Variants in PHACTR1 observed in about 807,000 individuals in gnomAD.
PHACTR1 encodes RPEL repeat containing 1.
PHACTR1 carries 16 observed loss-of-function variants against 69.2 expected under a neutral mutation model. That is an observed-to-expected ratio of 0.23 (90% CI 0.16 to 0.35). The LOEUF (loss-of-function observed/expected upper bound fraction) is 0.35, where lower values mean the gene tolerates loss of function less well. PHACTR1 is among the 10% of genes least tolerant of loss of function. The pLI is 1.00. For synonymous variants in PHACTR1, 312 were observed against 284.5 expected, an observed-to-expected ratio of 1.10 and a Z score of -0.97; for missense variants, 510 against 734.7, an observed-to-expected ratio of 0.69 and a Z score of 3.54.
chr6:12,831,135 CTA>C (rs1205599293), intron 4 of PHACTR1, among the ~76,000 whole-genome samples: 3 of 152,112 alleles, frequency 2.0e-5, no homozygotes, highest in African/African-American at 4.8e-5. Flanking sequence ...AAATATTTCT[CTA>C]TGTTTTCTTA....
intron 6 of PHACTR1, among the ~76,000 whole-genome samples, chr6:13,182,152 G>A (rs1383099572): frequency 6.6e-6 from 1 of 152,160 alleles, no homozygotes; most frequent in Non-Finnish European, 1.5e-5. Flanking sequence ...AGAATCGCTT[G>A]AACCCGGGAG....
At chr6:13,234,112 G>T (rs1771640434) in intron 10 of PHACTR1, among the ~76,000 whole-genome samples, 1 of 152,222 alleles carries the variant, frequency 6.6e-6, no homozygotes, top group African/African-American at 2.4e-5. Context: ...AGAACTGAGA[G>T]CTCAACTCTG....
chr6:12,968,415 C>T (rs1266165680), intron 4 of PHACTR1, among the ~76,000 whole-genome samples: 1 of 152,058 alleles, frequency 6.6e-6, no homozygotes, highest in Non-Finnish European at 1.5e-5. Flanking sequence ...AATTTAGCAT[C>T]GTGACTATAT....
chr6:12,787,864 T>A (rs1425344838), intron 4 of PHACTR1, among the ~76,000 whole-genome samples: 1 of 151,880 alleles, frequency 6.6e-6, no homozygotes, highest in Non-Finnish European at 1.5e-5. Flanking sequence ...TTAGGCAAAC[T>A]CAACAAAGGA....
In PHACTR1 at chr6:12,930,048, T is replaced by G. The variant is rs1042323582; in HGVS notation, c.251-123317T>G. On this transcript the variant is annotated intron_variant, in intron 4 of 14. Transcript: ENST00000332995. ...CACTGCCTGTAAACAGAAAGAACTT[T>G]TTTTTTTTTTTTAGATGGGGATCTT... Among the ~76,000 whole-genome samples, 7 of 151,420 alleles carry G rather than the reference T, an allele frequency of 4.6e-5. No individual in the cohort carries two copies. In the East Asian group the frequency reaches 1.2e-3, roughly 25 times the overall value.
chr6:12,776,909 C>CA (rs1450380610), intron 4 of PHACTR1, among the ~76,000 whole-genome samples: 2 of 152,090 alleles, frequency 1.3e-5, no homozygotes, highest in Non-Finnish European at 1.5e-5. Context: ...TAGCTTGTTA[C>CA]AAAATACCAC....
intron 4 of PHACTR1, among the ~76,000 whole-genome samples, chr6:13,046,026 T>C (rs988939303): frequency 6.6e-6 from 1 of 152,200 alleles, no homozygotes; most frequent in Admixed American, 6.5e-5. Context: ...TCTTCCCCCA[T>C]GAGGACTACC....
chr6:12,778,106 A>G (rs1171588266), intron 4 of PHACTR1, among the ~76,000 whole-genome samples: 1 of 152,156 alleles, frequency 6.6e-6, no homozygotes, highest in Non-Finnish European at 1.5e-5. Flanking sequence ...AAAAGAAAAA[A>G]AAAATGAATT....
At chr6:12,756,736 C>T (rs1002892536) in intron 4 of PHACTR1, among the ~76,000 whole-genome samples, 2 of 152,192 alleles carry the variant, frequency 1.3e-5, no homozygotes, top group Admixed American at 1.3e-4. Context: ...TAATATACAT[C>T]TTGGTTTTGA....
rs1475734637 is a variant in PHACTR1 at position 12,988,580 on chromosome 6, T to C, written c.251-64785T>C. On this transcript the variant is annotated intron_variant, in intron 4 of 14. Transcript: ENST00000332995. ...ATAATGTTCGCAAAGTACCTAAGCA[T>C]CTTTTAAATTCCTTGATCTTACCTC... Among the ~76,000 whole-genome samples, 4 of 152,148 alleles carry C rather than the reference T, an allele frequency of 2.6e-5. No individual in the cohort carries two copies. The East Asian group carries it at 7.7e-4, about 29-fold the overall frequency.
chr6:13,164,480 C>T (rs1046099489), intron 6 of PHACTR1, among the ~76,000 whole-genome samples: 1 of 152,158 alleles, frequency 6.6e-6, no homozygotes, highest in African/African-American at 2.4e-5. Context: ...TGACAGCTGC[C>T]GCATTGATTT....
intron 4 of PHACTR1, among the ~76,000 whole-genome samples, chr6:13,038,065 AT>A (rs1390903087): frequency 2.0e-5 from 3 of 152,202 alleles, no homozygotes; most frequent in African/African-American, 4.8e-5. Context: ...ATGAAATGTT[AT>A]TTGGAGATGC....
At chr6:13,193,304 A>G (rs1423783005) in intron 7 of PHACTR1, among the ~76,000 whole-genome samples, 1 of 145,604 alleles carries the variant, frequency 6.9e-6, no homozygotes, top group Non-Finnish European at 1.5e-5. Context: ...TTATGGATCT[A>G]GCTTGAACTT....
chr6:12,900,073 A>T (rs1457528860), intron 4 of PHACTR1, among the ~76,000 whole-genome samples: 1 of 152,236 alleles, frequency 6.6e-6, no homozygotes, highest in Non-Finnish European at 1.5e-5. Context: ...CAAATATTTT[A>T]TCTGGCAACC....
rs141089510 is a variant in PHACTR1, at chr6:13,243,885, T to C, written c.1391+13692T>C. 1.8e-3 allele frequency among the ~76,000 whole-genome samples: 271 copies of C among 152,326 alleles called. 1 individual carries two copies. The highest frequency in any genetic ancestry group is 6.1e-3 in the African/African-American group (254 of 41,564). On this transcript the variant is annotated intron_variant, in intron 10 of 14. Transcript: ENST00000332995. ...TGTTCCTGTGTTAGTTTGCTAAGGA[T>C]GATGGCCTCCAGCTCCATCAGTGTT...
At chr6:12,816,157 G>T in intron 4 of PHACTR1, among the ~76,000 whole-genome samples, 1 of 152,210 alleles carries the variant, frequency 6.6e-6, no homozygotes. Flanking sequence ...TCTTAATTTA[G>T]AGATTCATGA....
At chr6:12,854,458 G>A (rs892557933) in intron 4 of PHACTR1, among the ~76,000 whole-genome samples, 7 of 152,212 alleles carry the variant, frequency 4.6e-5, no homozygotes, top group African/African-American at 1.7e-4. Context: ...AATCAGGATA[G>A]AATGCTTTGT....
chr6:13,163,204 A>G (rs1019894573), intron 6 of PHACTR1, among the ~76,000 whole-genome samples: 3 of 152,200 alleles, frequency 2.0e-5, no homozygotes, highest in African/African-American at 7.2e-5. Flanking sequence ...AAGATTGCAC[A>G]CTGTACTCTG....
Position 12,848,338 on chromosome 6 carries a change from A to G in PHACTR1, c.250+98548A>G, listed in dbSNP as rs183511646. Among the ~76,000 whole-genome samples the G allele has an allele frequency of 2.2e-3, 329 of 152,066 alleles. 1 individual carries two copies. Among genetic ancestry groups the G allele is most frequent in the Middle Eastern group, 0.01 (3 of 294 alleles). On this transcript the variant is annotated intron_variant, in intron 4 of 14. Coordinates refer to ENST00000332995, the MANE Select transcript of PHACTR1 (RefSeq NM_030948.6). ...ACATATATGTGCATATACATATGTT[A>G]AACTACAAGATTTTCTATAAACACA...
Sources: gnomAD v4.1 joint callset for allele counts (sites outside exome capture counted in the v4.1 genomes callset) on GRCh38, gnomAD v4.1.1 for gene constraint, MANE v1.5 for transcripts, NCBI Gene and HGNC (gene_info 2026-07-23, HGNC 2026-07-21) for gene names.